THRB: variants seen among roughly 807,000 people sequenced by gnomAD.
The protein encoded by THRB is thyroid hormone receptor beta.
A neutral mutation model predicts 47.8 loss-of-function variants in THRB; 12 were observed. That is an observed-to-expected ratio of 0.25 (90% CI 0.16 to 0.41). The LOEUF is 0.41. Ranked by LOEUF, THRB falls within the 10% of genes least tolerant of loss-of-function variation. THRB has a pLI of 1.00. For synonymous variants in THRB, 218 were observed against 212.2 expected (o/e 1.03, Z -0.24); for missense variants, 348 against 589.2 (o/e 0.59, Z 4.24).
At chr3:24,270,575 A>G (rs965436785) in intron 3 of THRB, among the ~76,000 whole-genome samples, 6 of 152,250 alleles carry the variant, frequency 3.9e-5, no homozygotes, top group Admixed American at 2.0e-4. Context: ...CTGGAGCTTA[A>G]GAGAAGCATT....
chr3:24,182,037 T>C (rs2041963430), intron 5 of THRB, among the ~76,000 whole-genome samples: 1 of 151,958 alleles, frequency 6.6e-6, no homozygotes, highest in Non-Finnish European at 1.5e-5. Context: ...CCATCTCTAC[T>C]AAAAATACAA....
chr3:24,296,446 G>A (rs568419817), intron 3 of THRB, among the ~76,000 whole-genome samples: 54 of 152,298 alleles, frequency 3.5e-4, no homozygotes, highest in African/African-American at 1.1e-3. Flanking sequence ...TGCAAACACC[G>A]TCTACTGCAA....
At chr3:24,190,441 A>G in intron 4 of THRB, 107 bp from the exon 5 acceptor site, 2 of 1,382,658 alleles carry the variant, frequency 1.4e-6, no homozygotes, top group Non-Finnish European at 2.1e-6. Context: ...TTGGGCTGAC[A>G]GTATTCACAT....
intron 1 of THRB, among the ~76,000 whole-genome samples, chr3:24,343,620 T>C (rs2062823882): frequency 6.6e-6 from 1 of 152,032 alleles, no homozygotes; most frequent in Admixed American, 6.6e-5. Context: ...AGCATATATA[T>C]CATCACTGCC....
intron 3 of THRB, among the ~76,000 whole-genome samples, chr3:24,238,669 G>T (rs189228193): frequency 5.1e-4 from 77 of 152,240 alleles, no homozygotes; most frequent in Non-Finnish European, 9.8e-4. Flanking sequence ...GTGTCTCTCA[G>T]TCTGAGCCAG....
At chr3:24,383,336 G>A (rs1175758309) in intron 1 of THRB, among the ~76,000 whole-genome samples, 1 of 151,914 alleles carries the variant, frequency 6.6e-6, no homozygotes, top group Non-Finnish European at 1.5e-5. Flanking sequence ...CCATTCTTTA[G>A]CTGTATTAAA....
chr3:24,197,644 G>A (rs983754011), intron 4 of THRB, among the ~76,000 whole-genome samples: 1 of 125,530 alleles, frequency 8.0e-6, no homozygotes, highest in Non-Finnish European at 1.6e-5. Flanking sequence ...AACATAATAA[G>A]AACAGATCAA....
intron 3 of THRB, among the ~76,000 whole-genome samples, chr3:24,229,978 C>T (rs1371287708): frequency 2.0e-5 from 3 of 152,120 alleles, no homozygotes; most frequent in Admixed American, 6.6e-5. Context: ...TAATACTTGT[C>T]CCACTTATTT....
At chr3:24,354,322 C>G (rs528251684) in intron 1 of THRB, among the ~76,000 whole-genome samples, 1 of 152,164 alleles carries the variant, frequency 6.6e-6, no homozygotes, top group East Asian at 1.9e-4. Flanking sequence ...AAACCCCCAT[C>G]ACACAAATTT....
chr3:24,487,740 G>C (rs1332718552), intron 1 of THRB, among the ~76,000 whole-genome samples: 2 of 152,178 alleles, frequency 1.3e-5, no homozygotes, highest in Non-Finnish European at 2.9e-5. Flanking sequence ...GTGAGAACAT[G>C]ACACACACTT....
chr3:24,209,559 G>A (rs547066739), intron 4 of THRB, among the ~76,000 whole-genome samples: 2 of 152,210 alleles, frequency 1.3e-5, no homozygotes, highest in African/African-American at 2.4e-5. Context: ...CATATTCTCA[G>A]CAAACTATCA....
At chr3:24,266,880 G>C (rs985041835) in intron 3 of THRB, among the ~76,000 whole-genome samples, 1 of 152,004 alleles carries the variant, frequency 6.6e-6, no homozygotes, top group African/African-American at 2.4e-5. Context: ...GGAGGAAAGA[G>C]AGGAAGACAG....
intron 3 of THRB, among the ~76,000 whole-genome samples, chr3:24,269,524 C>G (rs1469322416): frequency 6.6e-6 from 1 of 152,118 alleles, no homozygotes; most frequent in African/African-American, 2.4e-5. Context: ...CTCCTGGGCT[C>G]AAGTGATGCT....
chr3:24,135,820 C>CAT (rs34338818), intron 8 of THRB, among the ~76,000 whole-genome samples: 7,681 of 98,342 alleles, frequency 0.078, 343 homozygotes, highest in African/African-American at 0.18. Context: ...GGCAGAGAGT[C>CAT]ATATATATAT....
rs563392763 is a variant in THRB, at chr3:24,324,275, CTCAT to C, written c.-189+13021_-189+13024del. Among the ~76,000 whole-genome samples, 498 of 145,038 alleles carry C rather than the reference CTCAT, an allele frequency of 3.4e-3. 3 individuals carry two copies. Among genetic ancestry groups the C allele is most frequent in the South Asian group, 0.011 (50 of 4,456 alleles). On this transcript the variant is annotated intron_variant, in intron 2 of 10. Transcript: ENST00000646209. Reference sequence around the variant, plus strand: ...TCTCTGTGGTGCTTTGTCCAGTTTGCTCATTCATTCATTTCCATCCATCCATTCA... The same window carrying C: ...TCTCTGTGGTGCTTTGTCCAGTTTGCTCATTCATTTCCATCCATCCATTCA...
At chr3:24,162,543 T>C (rs2039021309) in intron 5 of THRB, among the ~76,000 whole-genome samples, 1 of 152,212 alleles carries the variant, frequency 6.6e-6, no homozygotes, top group Admixed American at 6.5e-5. Context: ...GCCTCCTCAA[T>C]GTGAAAATTA....
Position 24,389,049 on chromosome 3 carries a change from G to C in THRB, c.-260-51678C>G, listed in dbSNP as rs1417176406. On this transcript the variant is annotated intron_variant, in intron 1 of 10. Transcript: ENST00000646209. Reference sequence around the variant, plus strand: ...TCTATTCTTCTGCAATATTCTGAAGGAGACTGTGTGACTATTTGGATGTTT... The same window carrying C: ...TCTATTCTTCTGCAATATTCTGAAGCAGACTGTGTGACTATTTGGATGTTT... 2.0e-5 allele frequency among the ~76,000 whole-genome samples: 3 copies of C among 152,104 alleles called. No individual in the cohort carries two copies. In the East Asian group the frequency reaches 5.8e-4, roughly 29 times the overall value.
At chr3:24,205,807 T>C (rs1282133599) in intron 4 of THRB, among the ~76,000 whole-genome samples, 2 of 152,030 alleles carry the variant, frequency 1.3e-5, no homozygotes, top group Non-Finnish European at 2.9e-5. Flanking sequence ...TGGAGGAAGA[T>C]CTACCAAGCA....
chr3:24,317,666 C>T lies in THRB; in HGVS notation c.-189+19634G>A, dbSNP rs539206576. Among the ~76,000 whole-genome samples, 19 of 152,302 alleles carry T rather than the reference C, an allele frequency of 1.2e-4. 1 individual carries two copies. The East Asian group carries it at 2.5e-3, about 20-fold the overall frequency. On this transcript the variant is annotated intron_variant, in intron 2 of 10. Coordinates refer to ENST00000646209, the MANE Select transcript of THRB (RefSeq NM_001354712.2). ...AAACAAAAACCTAGTTAAGAAACTA[C>T]AATTCAATTCTTAGACTACCATATA...
Sources: allele counts gnomAD v4.1 joint callset (sites outside exome capture counted in the v4.1 genomes callset), GRCh38; gene constraint gnomAD v4.1.1; transcripts MANE v1.5; gene names NCBI Gene and HGNC (gene_info 2026-07-23, HGNC 2026-07-21).